Variants in ABCG1 observed in about 807,000 individuals in gnomAD.
ABCG1 encodes the protein ATP binding cassette subfamily G member 1.
A neutral mutation model predicts 69.2 loss-of-function variants in ABCG1; 29 were observed. That is an observed-to-expected ratio of 0.42 (90% CI 0.31 to 0.57). ABCG1 has a LOEUF of 0.57. Among genes scored for constraint, ABCG1 ranks in the 20% least tolerant of loss-of-function variants. The pLI is 0.15. For synonymous variants in ABCG1, 370 were observed against 374.8 expected (o/e 0.99, Z 0.15); for missense variants, 718 against 898.1 (o/e 0.80, Z 2.56).
In ABCG1 at chr21:42,276,162, G is replaced by T. The variant is rs932068169; in HGVS notation, c.538-733G>T. On this transcript the variant is annotated intron_variant, in intron 4 of 14. Coordinates refer to ENST00000398449, the MANE Select transcript of ABCG1 (RefSeq NM_016818.3). The surrounding 1 kb of genome is among the most constrained non-coding windows in gnomAD (Gnocchi z 5.3). ...CGGGAGGCAGGAGGGTGGAAGCAAG[G>T]CCCGTCCTGTGCATGGTGATCTACT... Among the ~76,000 whole-genome samples, 1 of 152,180 alleles carries T rather than the reference G, an allele frequency of 6.6e-6. No homozygotes were observed. The highest frequency in any genetic ancestry group is 1.5e-5 in the Non-Finnish European group (1 of 68,028).
At chr21:42,261,111 G>C (rs1046867007) in intron 2 of ABCG1, among the ~76,000 whole-genome samples, 1 of 152,014 alleles carries the variant, frequency 6.6e-6, no homozygotes, top group East Asian at 1.9e-4. Flanking sequence ...ATGAGTCACC[G>C]TACCCGGCCC....
At chr21:42,236,336 G>A (rs1256434384) in intron 2 of ABCG1, among the ~76,000 whole-genome samples, 2 of 152,214 alleles carry the variant, frequency 1.3e-5, no homozygotes, top group African/African-American at 4.8e-5. Context: ...TTTTGTGTGT[G>A]TGAACCCAAA....
rs367549196 is a variant in ABCG1 at position 42,248,708 on chromosome 21, C to T, written c.287-22362C>T. On this transcript the variant is annotated intron_variant, in intron 2 of 14. Transcript: ENST00000398449. ...TTCGAGAGCAGCCTGGGCAACATGG[C>T]GAAACCCTGCCTCTGCAAAATAAAA... 9.9e-5 allele frequency among the ~76,000 whole-genome samples: 15 copies of T among 151,162 alleles called. 1 individual carries two copies. Among genetic ancestry groups the T allele is most frequent in the Admixed American group, 2.0e-4 (3 of 15,172 alleles).
chr21:42,291,344 G>T lies in ABCG1; in HGVS notation c.1494+152G>T. The T allele has an allele frequency of 8.1e-7, 1 of 1,227,258 alleles. No homozygotes were observed. Among genetic ancestry groups the T allele is most frequent in the Middle Eastern group, 2.2e-4 (1 of 4,554 alleles). 76.0% of individuals were successfully genotyped at this position (1,227,258 alleles called of 1,614,324 possible). A position where few individuals can be genotyped will look rare whatever the true frequency, so the allele number is the denominator to read the frequency against. On this transcript the variant is annotated intron_variant, in intron 12 of 14. Coordinates refer to ENST00000398449, the MANE Select transcript of ABCG1 (RefSeq NM_016818.3). The surrounding 1 kb of genome is among the most constrained non-coding windows in gnomAD (Gnocchi z 6.4). ...GCTGCGGGGAAGGGCCTGACTTCGG[G>T]AGCTGTGGCGGGAGCTGTGGGGAGT... is the stretch of plus-strand genomic sequence containing the variant.
intron 2 of ABCG1, among the ~76,000 whole-genome samples, chr21:42,203,924 A>T (rs1038777510): frequency 6.6e-6 from 1 of 152,092 alleles, no homozygotes; most frequent in Non-Finnish European, 1.5e-5. Context: ...TACTTCTTTT[A>T]TCAGGATTTT....
chr21:42,296,514 C>A lies in ABCG1; in HGVS notation c.*122C>A. ...GACTCTTCTGATCCAACCCCTAGAA[C>A]CGCGTTGGGTTTGTGGGTGTCTCGT... On this transcript the variant is annotated 3_prime_UTR_variant, in exon 15 of 15. Transcript: ENST00000398449. This position sits in a 1 kb window ranked among gnomAD's most constrained non-coding sequence, Gnocchi z 5.4. The A allele has an allele frequency of 2.3e-6, 2 of 882,080 alleles. No homozygotes were observed. The highest frequency in any genetic ancestry group is 3.5e-6 in the Non-Finnish European group (2 of 567,220). 54.6% of individuals were successfully genotyped at this position (882,080 alleles called of 1,614,324 possible). A position where few individuals can be genotyped will look rare whatever the true frequency, so the allele number is the denominator to read the frequency against.
chr21:42,256,758 C>G (rs2068312660), intron 2 of ABCG1: 1 of 1,318,000 alleles, frequency 7.6e-7, no homozygotes, highest in African/African-American at 1.5e-5. Flanking sequence ...TGATCACGAG[C>G]TTAAGGAACT....
At chr21:42,232,925 G>A (rs561565259) in intron 2 of ABCG1, among the ~76,000 whole-genome samples, 1 of 152,158 alleles carries the variant, frequency 6.6e-6, no homozygotes. Context: ...AAACCATGTG[G>A]GTCAGATTAA....
chr21:42,243,439 TGTGTGC>T (rs1569215663), intron 2 of ABCG1, among the ~76,000 whole-genome samples: 2 of 60,974 alleles, frequency 3.3e-5, no homozygotes, highest in East Asian at 3.4e-4. Context: ...TAATACCGTG[TGTGTGC>T]GCGTGTGTGT....
At chr21:42,219,124 G>GAGCCGGATCCC, upstream of ABCG1, 1 of 805,860 alleles carries the variant, frequency 1.2e-6, no homozygotes, top group Non-Finnish European at 1.6e-6. This position sits in a 1 kb window ranked among gnomAD's most constrained non-coding sequence, Gnocchi z 5.3. Flanking sequence ...ACCAGAGCCG[G>GAGCCGGATCCC]AGCCGGATCC....
intron 10 of ABCG1, among the ~76,000 whole-genome samples, chr21:42,289,502 G>C (rs562098675): frequency 6.6e-6 from 1 of 152,156 alleles, no homozygotes; most frequent in Non-Finnish European, 1.5e-5. Flanking sequence ...GATTGGGACG[G>C]GGGGTTGGAC....
In ABCG1 at chr21:42,276,810, A is replaced by G; in HGVS notation, c.538-85A>G. On this transcript the variant is annotated intron_variant, in intron 4 of 14. Coordinates refer to ENST00000398449, the MANE Select transcript of ABCG1 (RefSeq NM_016818.3). This position sits in a 1 kb window ranked among gnomAD's most constrained non-coding sequence, Gnocchi z 5.3. Reference sequence around the variant, plus strand: ...GGCTAGCTGCATCTTGGCTAGCTGCACCGTGGCCTGCAGTGCGGGCATGAG... The same window carrying G: ...GGCTAGCTGCATCTTGGCTAGCTGCGCCGTGGCCTGCAGTGCGGGCATGAG... The G allele has an allele frequency of 7.1e-7, 1 of 1,398,922 alleles. No individual in the cohort carries two copies. Among genetic ancestry groups the G allele is most frequent in the East Asian group, 2.3e-5 (1 of 43,528 alleles). 86.7% of individuals were successfully genotyped at this position (1,398,922 alleles called of 1,614,324 possible). A position where few individuals can be genotyped will look rare whatever the true frequency, so the allele number is the denominator to read the frequency against.
chr21:42,294,870 A>C, intron 14 of ABCG1: 4 of 544,026 alleles, frequency 7.4e-6, no homozygotes, highest in Non-Finnish European at 3.3e-6. Flanking sequence ...GGCCACACAA[A>C]CCAGCGCTTC....
chr21:42,214,616 C>T (rs915720912), upstream of ABCG1, among the ~76,000 whole-genome samples: 1 of 152,226 alleles, frequency 6.6e-6, no homozygotes, highest in African/African-American at 2.4e-5. Context: ...CGGTGTTCAT[C>T]CCTGTCTCTC....
At position 42,287,849 on chromosome 21, in the gene ABCG1, T is replaced by A. The variant is rs149506325; in HGVS notation, c.974-40T>A. The A allele has an allele frequency of 1.3e-4, 203 of 1,517,828 alleles. No homozygotes were observed. The highest frequency in any genetic ancestry group is 1.0e-4 in the Non-Finnish European group (118 of 1,131,238). 94.0% of individuals were successfully genotyped at this position (1,517,828 alleles called of 1,614,324 possible). On this transcript the variant is annotated intron_variant, in intron 8 of 14. Transcript: ENST00000398449. This position sits in a 1 kb window ranked among gnomAD's most constrained non-coding sequence, Gnocchi z 6.2. ...CGCATTTGGGTGGTTGGGGTGTCCT[T>A]CCTGGAGCCCGGGCTGACCCCCGTC...
chr21:42,265,989 T>G (rs908215513), intron 2 of ABCG1, among the ~76,000 whole-genome samples: 2 of 152,166 alleles, frequency 1.3e-5, no homozygotes, highest in East Asian at 3.9e-4. Context: ...TTGGTTTTGC[T>G]TTGACAGTGG....
intron 2 of ABCG1, among the ~76,000 whole-genome samples, chr21:42,226,752 G>C (rs1250249445): frequency 6.6e-6 from 1 of 152,164 alleles, no homozygotes; most frequent in Non-Finnish European, 1.5e-5. Context: ...GATAGGCAGA[G>C]GACGTGTCAG....
At chr21:42,236,413 C>T (rs974120550) in intron 2 of ABCG1, among the ~76,000 whole-genome samples, 4 of 152,226 alleles carry the variant, frequency 2.6e-5, no homozygotes, top group African/African-American at 9.6e-5. Flanking sequence ...CCTGGGGCCA[C>T]CTCAGTGGAG....
intron 1 of ABCG1, among the ~76,000 whole-genome samples, chr21:42,221,513 G>A (rs1486337619): frequency 6.6e-6 from 1 of 152,124 alleles, no homozygotes; most frequent in Non-Finnish European, 1.5e-5. Flanking sequence ...TACAAGGGGT[G>A]GCAAATGCGT....
Sources: allele counts gnomAD v4.1 joint callset (sites outside exome capture counted in the v4.1 genomes callset), GRCh38; gene constraint gnomAD v4.1.1; non-coding constraint Gnocchi (gnomAD v3.1); transcripts MANE v1.5; gene names NCBI Gene and HGNC (gene_info 2026-07-23, HGNC 2026-07-21).